CUEDC1: variants seen among roughly 807,000 people sequenced by gnomAD.
The protein encoded by CUEDC1 is CUE domain-containing protein 1.
A neutral mutation model predicts 43.7 loss-of-function variants in CUEDC1; 30 were observed. That is an observed-to-expected ratio of 0.69 (90% CI 0.51 to 0.93). The LOEUF (loss-of-function observed/expected upper bound fraction) is 0.93. Among genes scored for constraint, CUEDC1 ranks in the 40% least tolerant of loss-of-function variants. The pLI is 0.00. For synonymous variants in CUEDC1, 223 were observed against 223.6 expected, an observed-to-expected ratio of 1.00 and a Z score of 0.02; for missense variants, 486 against 549.0, an observed-to-expected ratio of 0.89 and a Z score of 1.15.
chr17:57,928,623 A>G (rs894118664), intron 1 of CUEDC1, among the ~76,000 whole-genome samples: 2 of 151,788 alleles, frequency 1.3e-5, no homozygotes, highest in East Asian at 1.9e-4. Flanking sequence ...ATTCTAGAAC[A>G]CAGATCTTCC....
rs1013112017 is a variant in CUEDC1 at position 57,861,949 on chromosome 17, G to A, written c.*1340C>T. The A allele has an allele frequency of 1.8e-4, 28 of 152,242 alleles. No homozygotes were observed. The highest frequency in any genetic ancestry group is 5.3e-4 in the African/African-American group (22 of 41,472). The allele number at this position is 152,242 out of a possible 1,614,324, so 9.4% of individuals were successfully genotyped here. A position where few individuals can be genotyped will look rare whatever the true frequency, so the allele number is the denominator to read the frequency against. On this transcript the variant is annotated 3_prime_UTR_variant, in exon 11 of 11. Transcript: ENST00000577830. ...ACGCTCGGCGGCGGCTGCGCGTCCC[G>A]GCCCTCCCCAAGCTCGGCGTTGCGA...
intron 1 of CUEDC1, among the ~76,000 whole-genome samples, chr17:57,952,734 G>C (rs940101548): frequency 4.6e-5 from 7 of 152,168 alleles, no homozygotes; most frequent in Non-Finnish European, 1.0e-4. Flanking sequence ...ACCAGTGTGA[G>C]TGCTGCCATA....
chr17:57,906,612 G>C (rs571526538), intron 1 of CUEDC1, among the ~76,000 whole-genome samples: 1 of 152,256 alleles, frequency 6.6e-6, no homozygotes, highest in East Asian at 1.9e-4. Flanking sequence ...AAAATGGTAA[G>C]TTTTATATTT....
At chr17:57,864,900 A>G (rs2144903769) in intron 10 of CUEDC1, among the ~76,000 whole-genome samples, 1 of 152,312 alleles carries the variant, frequency 6.6e-6, no homozygotes, top group African/African-American at 2.4e-5. Context: ...TAAAAATACA[A>G]AAACAAATTA....
intron 1 of CUEDC1, among the ~76,000 whole-genome samples, chr17:57,900,204 G>T (rs149257674): frequency 2.0e-5 from 3 of 152,114 alleles, no homozygotes; most frequent in Non-Finnish European, 4.4e-5. Context: ...GCTTCCTTTC[G>T]CCTCCCGAGG....
chr17:57,879,593 G>A lies in CUEDC1; in HGVS notation c.464+18C>T. The A allele has an allele frequency of 6.3e-7, 1 of 1,581,494 alleles. No homozygotes were observed. The highest frequency in any genetic ancestry group is 8.6e-7 in the Non-Finnish European group (1 of 1,169,202). ...TCTTCCCTGCCACCCTGTGCTCTGA[G>A]ACATGACAGATTCTCACCGGGGAGG... On this transcript the variant is annotated intron_variant, in intron 3 of 10. Coordinates refer to ENST00000577830, the MANE Select transcript of CUEDC1 (RefSeq NM_001271875.2).
At chr17:57,883,702 G>A (rs1452901574) in intron 2 of CUEDC1, among the ~76,000 whole-genome samples, 1 of 152,020 alleles carries the variant, frequency 6.6e-6, no homozygotes, top group Non-Finnish European at 1.5e-5. Context: ...CAGCCTGGGC[G>A]ACAGAGCAAG....
intron 10 of CUEDC1, among the ~76,000 whole-genome samples, chr17:57,865,823 C>CTTT (rs35170290): frequency 7.4e-6 from 1 of 134,714 alleles, no homozygotes; most frequent in Non-Finnish European, 1.6e-5. Context: ...TTTTCTTTTT[C>CTTT]TTTTTTTTTT....
intron 1 of CUEDC1, among the ~76,000 whole-genome samples, chr17:57,912,863 G>A (rs2074598909): frequency 6.6e-6 from 1 of 152,022 alleles, no homozygotes. Context: ...TTCAGAGACA[G>A]GGTCTCACTC....
At chr17:57,944,875 T>C (rs553906851) in intron 1 of CUEDC1, among the ~76,000 whole-genome samples, 1 of 152,248 alleles carries the variant, frequency 6.6e-6, no homozygotes, top group South Asian at 2.1e-4. Context: ...CAAACAAAAT[T>C]CATTTCCATT....
In CUEDC1 at chr17:57,873,634, T is replaced by C. The variant is rs540482038; in HGVS notation, c.548A>G (p.Asp183Gly). 1.1e-5 allele frequency: 17 copies of C among 1,604,008 alleles called. No individual in the cohort carries two copies. The highest frequency in any genetic ancestry group is 2.3e-5 in the East Asian group (1 of 43,974). The change falls in exon 4 of 11, where the codon GAT becomes GGT. Residue 183 changes from aspartate to glycine, a missense_variant. Physicochemically the swap from Asp to Gly is moderately conservative, Grantham distance 94. Coordinates refer to ENST00000577830, the MANE Select transcript of CUEDC1 (RefSeq NM_001271875.2). ...WNPPLLGNLP[D>G]DFLRILPQQL... is the part of the protein sequence containing the mutation. ...CTGGGGCAGGATGCGGAGAAAGTCA[T>C]CCGGAAGGTTGCCCAGCAGTGGTGG...
At chr17:57,942,897 A>G (rs1024505056) in intron 1 of CUEDC1, among the ~76,000 whole-genome samples, 2 of 151,760 alleles carry the variant, frequency 1.3e-5, no homozygotes, top group Admixed American at 6.6e-5. Context: ...GCGTGGTGGC[A>G]GGTGCCTGTA....
chr17:57,865,367 A>G (rs941912167), intron 10 of CUEDC1, among the ~76,000 whole-genome samples: 5 of 152,122 alleles, frequency 3.3e-5, no homozygotes, highest in African/African-American at 1.2e-4. Context: ...CCAGGCAGAG[A>G]GGAGAGGGCA....
At chr17:57,895,463 G>A (rs1249670625) in intron 1 of CUEDC1, among the ~76,000 whole-genome samples, 1 of 152,208 alleles carries the variant, frequency 6.6e-6, no homozygotes, top group African/African-American at 2.4e-5. Flanking sequence ...TGTCCAGGAA[G>A]CAAAGGAGAA....
intron 1 of CUEDC1, chr17:57,915,045 G>A (rs576384101): frequency 1.3e-5 from 2 of 152,206 alleles, no homozygotes; most frequent in Non-Finnish European, 2.9e-5. Context: ...GCTGGAAGGA[G>A]AGAAGGCCAG....
chr17:57,918,001 G>C (rs1381964042), intron 1 of CUEDC1, among the ~76,000 whole-genome samples: 2 of 151,398 alleles, frequency 1.3e-5, no homozygotes, highest in Non-Finnish European at 2.9e-5. Flanking sequence ...GGCATCGTTA[G>C]AGTGTGAGCC....
At chr17:57,945,756 A>C (rs1054775428) in intron 1 of CUEDC1, among the ~76,000 whole-genome samples, 1 of 152,206 alleles carries the variant, frequency 6.6e-6, no homozygotes, top group Non-Finnish European at 1.5e-5. Context: ...GTGGTGGCTC[A>C]TACCTATAAT....
intron 5 of CUEDC1, among the ~76,000 whole-genome samples, chr17:57,871,721 C>T (rs1393377725): frequency 1.3e-5 from 2 of 152,266 alleles, no homozygotes; most frequent in African/African-American, 2.4e-5. Flanking sequence ...GTCAGGAGTT[C>T]GAGACCAGCC....
At chr17:57,941,858 G>T (rs1353417844) in intron 1 of CUEDC1, among the ~76,000 whole-genome samples, 1 of 152,238 alleles carries the variant, frequency 6.6e-6, no homozygotes, top group Non-Finnish European at 1.5e-5. Context: ...ACTGCTGATG[G>T]CTGGGGCCAG....
Sources: allele counts gnomAD v4.1 joint callset (sites outside exome capture counted in the v4.1 genomes callset), GRCh38; gene constraint gnomAD v4.1.1; transcripts MANE v1.5; gene names NCBI Gene and HGNC (gene_info 2026-07-23, HGNC 2026-07-21).